RGSL1: variants seen among roughly 807,000 people sequenced by gnomAD.
The protein encoded by RGSL1 is regulator of G protein signaling like 1.
RGSL1 carries 97 observed loss-of-function variants against 124.7 expected under a neutral mutation model. That is an observed-to-expected ratio of 0.78 (90% CI 0.66 to 0.92). The LOEUF (loss-of-function observed/expected upper bound fraction) is 0.92, where lower values mean the gene tolerates loss of function less well. Ranked by LOEUF, RGSL1 falls within the 40% of genes least tolerant of loss-of-function variation. The pLI is 0.00. For missense variants in RGSL1, 1,233 were observed against 1,288.4 expected, an observed-to-expected ratio of 0.96 and a Z score of 0.66; for synonymous variants, 424 against 438.1, an observed-to-expected ratio of 0.97 and a Z score of 0.40.
chr1:182,473,946 C>T lies in RGSL1; in HGVS notation c.835C>T (p.Leu279=). ...CAAGCCAGATGCTATTGGTATGCCC[C>T]TACAGGAGACATGTCCTCAAGAGAA... ...DLKPDAIGMP[L]QETCPQEKVV... Residue 279 remains leucine, a synonymous_variant, in exon 6 of 22, where the codon CTA becomes TTA. Transcript: ENST00000294854. The T allele has an allele frequency of 6.4e-7, 1 of 1,552,030 alleles. No individual in the cohort carries two copies.
chr1:182,529,571 C>T (rs765910844), intron 11 of RGSL1, among the ~76,000 whole-genome samples: 4 of 152,110 alleles, frequency 2.6e-5, no homozygotes, highest in Admixed American at 1.3e-4. Flanking sequence ...AAGATAGAGC[C>T]TCCTGTTTTG....
Position 182,522,108 on chromosome 1 carries a change from A to C in RGSL1, c.1930A>C (p.Arg644=). 13 of 1,543,654 alleles carry C rather than the reference A, an allele frequency of 8.4e-6. No homozygotes were observed. Among genetic ancestry groups the C allele is most frequent in the Non-Finnish European group, 1.1e-5 (13 of 1,141,660 alleles). The change falls in exon 10 of 22, where the codon AGA becomes CGA. Residue 644 remains arginine (R), a splice_region_variant and synonymous_variant. Coordinates refer to ENST00000294854, the MANE Select transcript of RGSL1 (RefSeq NM_001137669.2). ...TGTAAGGAAGCCATCAATGAGACCC[A>C]GGTGAGATATAGAATCTGTTTACAG... ...TLVRKPSMRP[R]NLTEVLLNTQ...
chr1:182,520,437 T>A (rs568134818), intron 9 of RGSL1, among the ~76,000 whole-genome samples: 7 of 152,312 alleles, frequency 4.6e-5, no homozygotes, highest in African/African-American at 1.7e-4. Flanking sequence ...AAAAGCAATA[T>A]CCAATGTTTT....
chr1:182,472,581 T>TG, intron 5 of RGSL1, 24 bp downstream of exon 5: 1 of 1,495,980 alleles, frequency 6.7e-7, no homozygotes, highest in Non-Finnish European at 9.0e-7. Flanking sequence ...AGCATCTTTT[T>TG]GGGGGGATGC....
At chr1:182,490,049 T>C (rs1223484127) in intron 8 of RGSL1, among the ~76,000 whole-genome samples, 2 of 152,122 alleles carry the variant, frequency 1.3e-5, no homozygotes, top group Admixed American at 6.5e-5. Context: ...CACATATATA[T>C]GAAAAAAAAT....
intron 9 of RGSL1, among the ~76,000 whole-genome samples, chr1:182,510,344 T>C (rs1657321199): frequency 3.0e-5 from 1 of 33,896 alleles, no homozygotes; most frequent in Admixed American, 2.3e-4. Context: ...GAGGTGTAGG[T>C]TGTAGTGAGC....
At position 182,460,439 on chromosome 1, in the gene RGSL1, T is replaced by C. The variant is rs149648945; in HGVS notation, c.301+306T>C. ...TGATGGACTGGGCTGTTTATCTCACTGTAGCCAGAAATGAGAAAATTAATG... is the reference window on the plus strand; with the variant it reads ...TGATGGACTGGGCTGTTTATCTCACCGTAGCCAGAAATGAGAAAATTAATG... On this transcript the variant is annotated intron_variant, in intron 4 of 21. Transcript: ENST00000294854. Among the ~76,000 whole-genome samples, 20 of 152,328 alleles carry C rather than the reference T, an allele frequency of 1.3e-4. No individual in the cohort carries two copies. The East Asian group carries it at 3.9e-3, about 29-fold the overall frequency.
At chr1:182,475,819 T>C (rs190322607) in intron 6 of RGSL1, among the ~76,000 whole-genome samples, 72 of 152,314 alleles carry the variant, frequency 4.7e-4, no homozygotes, top group African/African-American at 1.6e-3. Context: ...AAAGTAGATC[T>C]GGAGGAGCAA....
At chr1:182,517,678 T>C (rs1357621303) in intron 9 of RGSL1, among the ~76,000 whole-genome samples, 18 of 152,318 alleles carry the variant, frequency 1.2e-4, no homozygotes, top group African/African-American at 4.3e-4. Context: ...TAATGAATTT[T>C]TAAGTTCAGC....
At chr1:182,451,949 G>A (rs1651874661) in intron 1 of RGSL1, among the ~76,000 whole-genome samples, 2 of 152,004 alleles carry the variant, frequency 1.3e-5, no homozygotes, top group South Asian at 4.2e-4. Flanking sequence ...ATCCCCCATT[G>A]CATGTAGGGA....
At chr1:182,512,564 A>G (rs572630829) in intron 9 of RGSL1, among the ~76,000 whole-genome samples, 1 of 152,266 alleles carries the variant, frequency 6.6e-6, no homozygotes, top group African/African-American at 2.4e-5. Context: ...GGTAGCTTCT[A>G]CAGGTGGGTG....
rs115980218 is a variant in RGSL1 at position 182,528,716 on chromosome 1, C to G, written c.2125+944C>G. On this transcript the variant is annotated intron_variant, in intron 11 of 21. Transcript: ENST00000294854. ...ACAGGTGGGCTCCCACAGCCTTGGT[C>G]AGCTCCACCCTTGTGGCTTTACAGG... Among the ~76,000 whole-genome samples the G allele has an allele frequency of 3.1e-3, 467 of 152,324 alleles. 6 individuals are homozygous for G. The highest frequency in any genetic ancestry group is 0.011 in the African/African-American group (444 of 41,584).
At chr1:182,472,058 A>G (rs1212844668) in intron 4 of RGSL1, among the ~76,000 whole-genome samples, 1 of 150,342 alleles carries the variant, frequency 6.7e-6, no homozygotes, top group East Asian at 2.1e-4. Context: ...GATCTAGGAA[A>G]TGTGGTTTTT....
intron 15 of RGSL1, among the ~76,000 whole-genome samples, chr1:182,546,497 G>A (rs1274061647): frequency 1.3e-5 from 2 of 152,062 alleles, no homozygotes; most frequent in African/African-American, 2.4e-5. Flanking sequence ...GGGTTCAAGC[G>A]ATTCTCTTGC....
At chr1:182,543,039 T>C (rs987229885) in intron 15 of RGSL1, among the ~76,000 whole-genome samples, 1 of 152,146 alleles carries the variant, frequency 6.6e-6, no homozygotes, top group Non-Finnish European at 1.5e-5. Flanking sequence ...GAATGCCCTT[T>C]ATTTCTTTCT....
At chr1:182,471,219 G>C (rs922534220) in intron 4 of RGSL1, 2 of 456,138 alleles carry the variant, frequency 4.4e-6, no homozygotes, top group Non-Finnish European at 8.8e-6. Context: ...AGTGTGCAAG[G>C]CTGGGAGAGG....
chr1:182,472,529 G>A lies in RGSL1; in HGVS notation c.435G>A (p.Arg145=). Residue 145 remains arginine (R), a synonymous_variant, in exon 5 of 22, where the codon AGG becomes AGA. Coordinates refer to ENST00000294854, the MANE Select transcript of RGSL1 (RefSeq NM_001137669.2). ...CCACTCATCTGCAGGAGGGCTCCAG[G>A]GTGGTAACCCTCTGTAACATGAACA... ...LRATHLQEGS[R]VVTLCNMNIK... is the part of the protein sequence containing the mutation. The A allele has an allele frequency of 3.9e-6, 6 of 1,546,870 alleles. No individual in the cohort carries two copies. Among genetic ancestry groups the A allele is most frequent in the Non-Finnish European group, 4.4e-6 (5 of 1,144,104 alleles).
Position 182,554,631 on chromosome 1 carries a change from A to G in RGSL1, c.3135A>G (p.Ser1045=), listed in dbSNP as rs538358935. The G allele has an allele frequency of 2.6e-6, 4 of 1,551,594 alleles. No individual in the cohort carries two copies. Among genetic ancestry groups the G allele is most frequent in the East Asian group, 4.9e-5 (2 of 40,924 alleles). Residue 1045 remains serine, a synonymous_variant, in exon 20 of 22, where the codon TCA becomes TCG. Coordinates refer to ENST00000294854, the MANE Select transcript of RGSL1 (RefSeq NM_001137669.2). ...TTTCTCTGTATTTCTCTTTAGCTTC[A>G]TCAAGCAAACTTACTCAGCCAAGAC... ...REAISSVQNS[S]SSKLTQPRLV...
rs2102320577 is a variant in RGSL1 at position 182,548,009 on chromosome 1, C to T, written c.2670-308C>T. Among the ~76,000 whole-genome samples the T allele has an allele frequency of 1.3e-5, 2 of 152,266 alleles. 1 individual carries two copies. The highest frequency in any genetic ancestry group is 4.1e-4 in the South Asian group (2 of 4,820). On this transcript the variant is annotated intron_variant, in intron 15 of 21. Transcript: ENST00000294854. ...ACAGGAGAGGGAAGAGCAAGATAGT[C>T]CTTAGGCCTTGAAGTCATTAGAGGT...
Sources: allele counts gnomAD v4.1 joint callset (sites outside exome capture counted in the v4.1 genomes callset), GRCh38; gene constraint gnomAD v4.1.1; transcripts MANE v1.5; gene names NCBI Gene and HGNC (gene_info 2026-07-23, HGNC 2026-07-21).